The following SELENOS variants were observed in gnomAD, a reference collection of about 807,000 sequenced individuals.
SELENOS encodes selenoprotein S, also known as VCP interacting membrane selenoprotein.
A neutral mutation model predicts 30.2 loss-of-function variants in SELENOS; 37 were observed. That is an observed-to-expected ratio of 1.23 (90% confidence interval 0.94 to 1.61). The LOEUF is 1.61. Among genes scored for constraint, SELENOS ranks in the 40% most tolerant of loss-of-function variants. The probability of loss-of-function intolerance (pLI) is 0.00; values close to 1 mark genes in which losing one functional copy is unlikely to be tolerated. For missense variants in SELENOS, 289 were observed against 231.8 expected, an observed-to-expected ratio of 1.25 and a Z score of -1.60; for synonymous variants, 119 against 91.6, an observed-to-expected ratio of 1.30 and a Z score of -1.71.
chr15:101,271,600 CAG>C (rs2039268608), downstream of SELENOS: 1 of 152,246 alleles, frequency 6.6e-6, no homozygotes, highest in South Asian at 2.1e-4. Context: ...CTCTCACAGC[CAG>C]ACTGTATTTC....
At chr15:101,274,996 T>G in intron 3 of SELENOS, 1 of 565,864 alleles carries the variant, frequency 1.8e-6, no homozygotes, top group Non-Finnish European at 3.1e-6. Context: ...CACACTCACA[T>G]GCTCCCTGCT....
chr15:101,272,738 T>C lies in SELENOS; in HGVS notation c.*33A>G, dbSNP rs2039281498. ...TTGAATCGAGGGTTAAGGGTTCATCTTGCTAATGTCAAAAGTGACACTAAC... is the reference window on the plus strand; with the variant it reads ...TTGAATCGAGGGTTAAGGGTTCATCCTGCTAATGTCAAAAGTGACACTAAC... On this transcript the variant is annotated 3_prime_UTR_variant, in exon 6 of 6. Coordinates refer to ENST00000526049, the MANE Select transcript of SELENOS (RefSeq NM_018445.6). 1.3e-6 allele frequency: 2 copies of C among 1,577,880 alleles called. No individual in the cohort carries two copies. The highest frequency in any genetic ancestry group is 1.7e-4 in the Middle Eastern group (1 of 6,012).
intron 5 of SELENOS, among the ~76,000 whole-genome samples, chr15:101,273,525 G>A (rs935508234): frequency 3.3e-5 from 5 of 152,190 alleles, no homozygotes; most frequent in South Asian, 2.1e-4. Flanking sequence ...GAAAGAGGCC[G>A]TGCAGGCAAG....
At chr15:101,273,132 C>A (rs963916763) in intron 5 of SELENOS, among the ~76,000 whole-genome samples, 1 of 152,196 alleles carries the variant, frequency 6.6e-6, no homozygotes, top group Admixed American at 6.5e-5. Context: ...AAAAAACTCT[C>A]TCAAGAGGGC....
intron 1 of SELENOS, 62 bp from the exon 2 acceptor site, chr15:101,276,737 G>A (rs1348206052): frequency 1.3e-6 from 2 of 1,558,800 alleles, no homozygotes; most frequent in South Asian, 1.2e-5. Flanking sequence ...CTTTCCATAA[G>A]ACTCAACAAA....
At chr15:101,272,954 G>A in intron 5 of SELENOS, 98 bp from the exon 6 acceptor site, 2 of 1,063,942 alleles carry the variant, frequency 1.9e-6, no homozygotes, top group Non-Finnish European at 2.8e-6. Flanking sequence ...GACACGCAAA[G>A]CACTGCAAAG....
At chr15:101,276,736 A>C in intron 1 of SELENOS, 61 bp from the exon 2 acceptor site, 1 of 1,559,888 alleles carries the variant, frequency 6.4e-7, no homozygotes, top group Non-Finnish European at 8.7e-7. Context: ...CCTTTCCATA[A>C]GACTCAACAA....
At position 101,272,808 on chromosome 15, in the gene SELENOS, G is replaced by A. The variant is rs999280402; in HGVS notation, c.533C>T (p.Pro178Leu). Residue 178 changes from proline (P) to leucine (L), a missense_variant, in exon 6 of 6, where the codon CCT becomes CTT. Coordinates refer to ENST00000526049, the MANE Select transcript of SELENOS (RefSeq NM_018445.6). Reference protein sequence around the residue: ...GEGGGACSWRPGRRGPSSGGU... With the variant: ...GEGGGACSWRLGRRGPSSGGU... ...GCCAGATGACGGGCCTCTGCGTCCA[G>A]GTCTCCAGGAGCAAGCTCCGCCTCC... is the stretch of plus-strand genomic sequence containing the variant. The A allele has an allele frequency of 6.2e-7, 1 of 1,610,738 alleles. No homozygotes were observed. Among genetic ancestry groups the A allele is most frequent in the Non-Finnish European group, 8.5e-7 (1 of 1,178,598 alleles).
chr15:101,270,999 C>T (rs1002015166), downstream of SELENOS: 1 of 152,218 alleles, frequency 6.6e-6, no homozygotes, highest in African/African-American at 2.4e-5. Context: ...TAGTCAGTCA[C>T]ATCTAATAGT....
At position 101,275,327 on chromosome 15, in the gene SELENOS, T is replaced by C; in HGVS notation, c.246A>G (p.Leu82=). ...PDVVVKRQEA[L]AAARLKMQEE... ...CTTGCATTTTCAGTCGAGCAGCTGCTAAAGCTTCTTGTCGTTTAACAACAA... is the reference window on the plus strand; with the variant it reads ...CTTGCATTTTCAGTCGAGCAGCTGCCAAAGCTTCTTGTCGTTTAACAACAA... Residue 82 remains leucine, a synonymous_variant, in exon 3 of 6, where the codon TTA becomes TTG. Transcript: ENST00000526049. The C allele has an allele frequency of 2.5e-6, 4 of 1,582,306 alleles. No homozygotes were observed. Among genetic ancestry groups the C allele is most frequent in the Non-Finnish European group, 3.4e-6 (4 of 1,163,424 alleles).
In SELENOS at chr15:101,276,742, AACAAAC is replaced by A. The variant is rs1324613930; in HGVS notation, c.77-73_77-68del. 22 of 1,547,784 alleles carry A rather than the reference AACAAAC, an allele frequency of 1.4e-5. No individual in the cohort carries two copies. In the African/African-American group the frequency reaches 2.6e-4, roughly 18 times the overall value. On this transcript the variant is annotated intron_variant, in intron 1 of 5. Transcript: ENST00000526049. ...ACTAGTTGACCTTTCCATAAGACTCAACAAACACAAAGTGTAACTCCTGCCCTCAAA... is the reference window on the plus strand; with the variant it reads ...ACTAGTTGACCTTTCCATAAGACTCAACAAAGTGTAACTCCTGCCCTCAAA...
At chr15:101,276,518 C>G (rs761167689) in intron 2 of SELENOS, 23 bp downstream of exon 2, 1 of 1,578,146 alleles carries the variant, frequency 6.3e-7, no homozygotes, top group East Asian at 2.3e-5. Context: ...CCACCGCTTT[C>G]ATTTCGGTTA....
chr15:101,276,713 C>T (rs1324467391), intron 1 of SELENOS, 38 bp from the exon 2 acceptor site: 1 of 1,590,714 alleles, frequency 6.3e-7, no homozygotes, highest in Admixed American at 1.8e-5. Flanking sequence ...CTAAAAATGA[C>T]ACTACTAGTT....
In SELENOS at chr15:101,272,813, C is replaced by A. The variant is rs1319598624; in HGVS notation, c.528G>T (p.Trp176Cys). 2.5e-6 allele frequency: 4 copies of A among 1,610,746 alleles called. No individual in the cohort carries two copies. In the South Asian group the frequency reaches 4.4e-5, roughly 18 times the overall value. ...LSGEGGGACS[W>C]RPGRRGPSSG... ...ATGACGGGCCTCTGCGTCCAGGTCT[C>A]CAGGAGCAAGCTCCGCCTCCTTCAC... is the stretch of plus-strand genomic sequence containing the variant. The change falls in exon 6 of 6, where the codon TGG becomes TGT. Residue 176 changes from tryptophan (W) to cysteine (C), a missense_variant. Coordinates refer to ENST00000526049, the MANE Select transcript of SELENOS (RefSeq NM_018445.6).
At chr15:101,276,477 G>A in intron 2 of SELENOS, 64 bp downstream of exon 2, 13 of 1,483,626 alleles carry the variant, frequency 8.8e-6, no homozygotes, top group Non-Finnish European at 1.2e-5. Flanking sequence ...TTTACTAAGA[G>A]ACTAACTCTT....
intron 3 of SELENOS, 107 bp downstream of exon 3, chr15:101,275,148 A>T: frequency 2.2e-6 from 2 of 898,468 alleles, no homozygotes. Context: ...ATCTAATGGG[A>T]TAGGACCTGG....
chr15:101,272,639 G>A lies in SELENOS; in HGVS notation c.*132C>T, dbSNP rs570797606. ...TTTGCTGACTGGAGCCCTGACATAT[G>A]CAGGTGTAGTTAGGAACAGAAATCA... On this transcript the variant is annotated 3_prime_UTR_variant, in exon 6 of 6. Transcript: ENST00000526049. 1.2e-6 allele frequency: 1 copy of A among 866,964 alleles called. No homozygotes were observed. The highest frequency in any genetic ancestry group is 1.7e-5 in the African/African-American group (1 of 59,764). 53.7% of individuals were successfully genotyped at this position (866,964 alleles called of 1,614,324 possible).
intron 2 of SELENOS, among the ~76,000 whole-genome samples, 177 bp from the exon 3 acceptor site, chr15:101,275,538 G>A (rs2039316890): frequency 6.6e-6 from 1 of 152,240 alleles, no homozygotes; most frequent in East Asian, 1.9e-4. Flanking sequence ...AGGGGGCAGG[G>A]GTCTGTTGCT....
rs548522966 is a variant in SELENOS, at chr15:101,276,620, G to A, written c.132C>T (p.Leu44=). 17 of 1,613,856 alleles carry A rather than the reference G, an allele frequency of 1.1e-5. No homozygotes were observed. The South Asian group carries it at 1.8e-4, about 17-fold the overall frequency. Residue 44 remains leucine (L), a synonymous_variant, in exon 2 of 6, where the codon CTC becomes CTT. Coordinates refer to ENST00000526049, the MANE Select transcript of SELENOS (RefSeq NM_018445.6). ...CGGAAAGCTTCTGAAAGACCACGTA[G>A]AGAAGGATGCAGCTGAAGACGATGT... ...GWYIVFSCIL[L]YVVFQKLSAR...
Sources: gnomAD v4.1 joint callset for allele counts (sites outside exome capture counted in the v4.1 genomes callset) on GRCh38, gnomAD v4.1.1 for gene constraint, MANE v1.5 for transcripts, NCBI Gene and HGNC (gene_info 2026-07-23, HGNC 2026-07-21) for gene names.